Variants in GPBP1 observed in about 807,000 individuals in gnomAD.
GPBP1 encodes the protein vasculin.
In GPBP1, 13 loss-of-function variants were observed where a neutral mutation model predicts 56.5. The ratio of observed to expected loss-of-function variants is 0.23; its 90% CI spans 0.15 to 0.37. The LOEUF is 0.37. Among genes scored for constraint, GPBP1 ranks in the 10% least tolerant of loss-of-function variants. GPBP1 has a pLI of 1.00. For synonymous variants in GPBP1, 204 were observed against 188.9 expected, an observed-to-expected ratio of 1.08 and a Z score of -0.66; for missense variants, 477 against 572.3, an observed-to-expected ratio of 0.83 and a Z score of 1.70.
At chr5:57,243,637 G>A (rs1740936580) in intron 6 of GPBP1, among the ~76,000 whole-genome samples, 3 of 151,038 alleles carry the variant, frequency 2.0e-5, no homozygotes, top group South Asian at 2.1e-4. Flanking sequence ...AAACTATATT[G>A]AGGCTTAAAG....
chr5:57,182,208 C>CT (rs767416961), intron 2 of GPBP1, among the ~76,000 whole-genome samples: 36 of 152,176 alleles, frequency 2.4e-4, no homozygotes, highest in Non-Finnish European at 5.1e-4. Flanking sequence ...CTCAGCCTCC[C>CT]TAGTAGCTGA....
intron 6 of GPBP1, among the ~76,000 whole-genome samples, chr5:57,238,328 A>C (rs995311478): frequency 6.6e-6 from 1 of 152,190 alleles, no homozygotes; most frequent in Non-Finnish European, 1.5e-5. Context: ...GCACTTTGGG[A>C]GGCCAGGGCA....
chr5:57,262,951 T>C lies in GPBP1; in HGVS notation c.*199T>C. On this transcript the variant is annotated 3_prime_UTR_variant, in exon 12 of 12. Transcript: ENST00000506184. ...ACATTATTTCTTTGTAAATGAATGT[T>C]GTAGGAATGAGGACTTGGGTTGGTC... is the stretch of plus-strand genomic sequence containing the variant. 4.2e-6 allele frequency: 2 copies of C among 479,054 alleles called. No individual in the cohort carries two copies. The highest frequency in any genetic ancestry group is 7.4e-6 in the Non-Finnish European group (2 of 271,324). 29.7% of individuals were successfully genotyped at this position (479,054 alleles called of 1,614,324 possible). A position where few individuals can be genotyped will look rare whatever the true frequency, so the allele number is the denominator to read the frequency against.
intron 6 of GPBP1, among the ~76,000 whole-genome samples, chr5:57,243,657 C>G (rs978783416): frequency 1.3e-5 from 2 of 150,820 alleles, no homozygotes; most frequent in African/African-American, 4.9e-5. Context: ...GATAGTATAT[C>G]TACTTGCCTA....
At chr5:57,180,014 A>G (rs911645364) in intron 2 of GPBP1, among the ~76,000 whole-genome samples, 3 of 151,736 alleles carry the variant, frequency 2.0e-5, no homozygotes, top group Admixed American at 6.6e-5. Flanking sequence ...GTGAGCAGGA[A>G]AAAAAAAACT....
chr5:57,211,646 C>T (rs1355480662), intron 2 of GPBP1, among the ~76,000 whole-genome samples: 6 of 151,922 alleles, frequency 3.9e-5, no homozygotes, highest in South Asian at 2.1e-4. Context: ...TGCAATGGCG[C>T]GATCTCTGCT....
At chr5:57,210,640 A>G (rs1007852581) in intron 2 of GPBP1, among the ~76,000 whole-genome samples, 5 of 152,178 alleles carry the variant, frequency 3.3e-5, no homozygotes, top group Non-Finnish European at 5.9e-5. Context: ...CTATTTCTAA[A>G]GTTGTTTGTA....
At chr5:57,230,684 T>A in intron 3 of GPBP1, 162 bp from the exon 4 acceptor site, 1 of 657,738 alleles carries the variant, frequency 1.5e-6, no homozygotes, top group Non-Finnish European at 2.7e-6. Flanking sequence ...CATCGGTGAA[T>A]CCATTATACA....
intron 3 of GPBP1, among the ~76,000 whole-genome samples, chr5:57,224,648 A>G (rs1334560764): frequency 1.3e-5 from 2 of 152,048 alleles, no homozygotes; most frequent in African/African-American, 4.8e-5. Flanking sequence ...TATGTTGCCA[A>G]GGCTGGTCTT....
At chr5:57,217,719 G>A (rs781614833) in intron 3 of GPBP1, among the ~76,000 whole-genome samples, 72 of 151,332 alleles carry the variant, frequency 4.8e-4, no homozygotes, top group Non-Finnish European at 9.3e-4. Context: ...TTCAGAAAAA[G>A]CATATTGACT....
rs777677544 is a variant in GPBP1, at chr5:57,246,457, C to G, written c.636C>G (p.Val212=). 1 of 1,601,746 alleles carries G rather than the reference C, an allele frequency of 6.2e-7. No homozygotes were observed. Among genetic ancestry groups the G allele is most frequent in the Admixed American group, 1.8e-5 (1 of 56,066 alleles). The change falls in exon 7 of 12, where the codon GTC becomes GTG. Residue 212 remains valine (V), a synonymous_variant. Coordinates refer to ENST00000506184, the MANE Select transcript of GPBP1 (RefSeq NM_022913.4). The part of the protein sequence containing the change: ...GTGPSVYKGL[V]PKPAAPPTKP... ...GTCCAAGTGTTTATAAAGGTTTAGTCCCTAAACCTGCTGCTCCACCTACAA... is the reference window on the plus strand; with the variant it reads ...GTCCAAGTGTTTATAAAGGTTTAGTGCCTAAACCTGCTGCTCCACCTACAA...
At chr5:57,223,452 A>G (rs1335117127) in intron 3 of GPBP1, among the ~76,000 whole-genome samples, 2 of 152,206 alleles carry the variant, frequency 1.3e-5, no homozygotes, top group Non-Finnish European at 2.9e-5. Flanking sequence ...TCTTGGTGCT[A>G]TCAGTGGTAC....
chr5:57,241,389 G>A (rs1415125159), intron 6 of GPBP1, among the ~76,000 whole-genome samples: 1 of 152,180 alleles, frequency 6.6e-6, no homozygotes, highest in African/African-American at 2.4e-5. Flanking sequence ...GGTATGGGAA[G>A]AGCATGAATA....
intron 3 of GPBP1, among the ~76,000 whole-genome samples, chr5:57,229,785 C>T (rs1756361875): frequency 1.3e-5 from 2 of 151,952 alleles, no homozygotes; most frequent in African/African-American, 4.8e-5. Flanking sequence ...GTGATCTGCC[C>T]ACCTCAGTAC....
chr5:57,208,655 C>CTTTTTT (rs70999065), intron 2 of GPBP1, among the ~76,000 whole-genome samples: 2 of 119,068 alleles, frequency 1.7e-5, no homozygotes, highest in Non-Finnish European at 3.4e-5. Context: ...TTTTGTTTTT[C>CTTTTTT]TTTTTTTTTT....
At chr5:57,200,001 C>A (rs1251912171) in intron 2 of GPBP1, among the ~76,000 whole-genome samples, 1 of 148,700 alleles carries the variant, frequency 6.7e-6, no homozygotes, top group Non-Finnish European at 1.5e-5. Flanking sequence ...AGCCACTGCG[C>A]CTGGCCCTTA....
chr5:57,199,484 G>A (rs751874416), intron 2 of GPBP1, among the ~76,000 whole-genome samples: 3 of 152,008 alleles, frequency 2.0e-5, no homozygotes, highest in Non-Finnish European at 4.4e-5. Context: ...GAATTGAAAG[G>A]TGACACTTCT....
At chr5:57,255,888 A>G (rs1741635418) in intron 10 of GPBP1, among the ~76,000 whole-genome samples, 1 of 152,178 alleles carries the variant, frequency 6.6e-6, no homozygotes, top group South Asian at 2.1e-4. Flanking sequence ...TCATAACTTG[A>G]CAGAATTTGG....
At chr5:57,214,301 T>C (rs1755614758) in intron 3 of GPBP1, 108 bp downstream of exon 3, 2 of 1,019,486 alleles carry the variant, frequency 2.0e-6, no homozygotes, top group African/African-American at 3.1e-5. Flanking sequence ...GAAGTACATT[T>C]GTGGCTGGGC....
Sources: allele counts gnomAD v4.1 joint callset (sites outside exome capture counted in the v4.1 genomes callset), GRCh38; gene constraint gnomAD v4.1.1; transcripts MANE v1.5; gene names NCBI Gene and HGNC (gene_info 2026-07-23, HGNC 2026-07-21).